Variants in CCDC6 observed in about 807,000 individuals in gnomAD.
CCDC6 encodes the protein coiled-coil domain containing 6.
A neutral mutation model predicts 56.6 loss-of-function variants in CCDC6; 20 were observed. The observed-to-expected ratio is 0.35, with a 90% CI of 0.25 to 0.51. The LOEUF (loss-of-function observed/expected upper bound fraction) is 0.51, where lower values mean the gene tolerates loss of function less well. CCDC6 is among the 20% of genes least tolerant of loss of function. The probability of loss-of-function intolerance (pLI) is 0.95; values close to 1 mark genes in which losing one functional copy is unlikely to be tolerated. For missense variants in CCDC6, 367 were observed against 601.1 expected (o/e 0.61, Z 4.07); for synonymous variants, 241 against 234.4 (o/e 1.03, Z -0.26).
intron 4 of CCDC6, 86 bp downstream of exon 4, chr10:59,814,566 C>G: frequency 1.3e-6 from 1 of 796,198 alleles, no homozygotes; most frequent in Non-Finnish European, 2.2e-6. Context: ...TTAAGGTGTC[C>G]TACTGCTATT....
intron 3 of CCDC6, among the ~76,000 whole-genome samples, chr10:59,822,900 A>G (rs1420593536): frequency 1.5e-5 from 1 of 65,100 alleles, no homozygotes; most frequent in Admixed American, 1.3e-4. Context: ...CTATGCTTAT[A>G]AAAAAAAAAC....
intron 2 of CCDC6, among the ~76,000 whole-genome samples, chr10:59,848,074 A>G (rs2071008552): frequency 6.6e-6 from 1 of 152,044 alleles, no homozygotes; most frequent in South Asian, 2.1e-4. Flanking sequence ...AGCCAGTGTG[A>G]GTGAGTGTGC....
chr10:59,887,470 C>G (rs2071390755), intron 1 of CCDC6, among the ~76,000 whole-genome samples: 1 of 140,022 alleles, frequency 7.1e-6, no homozygotes, highest in Non-Finnish European at 1.5e-5. Context: ...AATGGCTTAC[C>G]ATGCAACTGT....
intron 4 of CCDC6, among the ~76,000 whole-genome samples, chr10:59,814,381 G>A (rs182985868): frequency 9.2e-5 from 14 of 152,264 alleles, no homozygotes; most frequent in Admixed American, 9.2e-4. Context: ...CTTTAAAGGT[G>A]AACAATAGCA....
At chr10:59,853,915 G>A (rs112670899) in intron 1 of CCDC6, among the ~76,000 whole-genome samples, 13 of 152,104 alleles carry the variant, frequency 8.5e-5, no homozygotes, top group East Asian at 1.9e-4. Context: ...CTGTCTAAAC[G>A]GAAAAGCCTA....
chr10:59,820,749 A>G (rs926176480), intron 3 of CCDC6, among the ~76,000 whole-genome samples: 4 of 149,658 alleles, frequency 2.7e-5, no homozygotes, highest in Non-Finnish European at 4.5e-5. Flanking sequence ...CTCTGTCTCA[A>G]AAAAAAAGAA....
chr10:59,903,896 G>A (rs906071204), intron 1 of CCDC6, among the ~76,000 whole-genome samples: 2 of 152,256 alleles, frequency 1.3e-5, no homozygotes, highest in South Asian at 4.1e-4. Context: ...ATACCTGAGA[G>A]GTCAAACGTA....
At chr10:59,798,469 A>G (rs1564736763) in intron 7 of CCDC6, among the ~76,000 whole-genome samples, 3 of 152,182 alleles carry the variant, frequency 2.0e-5, no homozygotes, top group Admixed American at 6.5e-5. Flanking sequence ...TCTATTTGAC[A>G]TATTTCCATT....
At chr10:59,870,924 G>C (rs1357601120) in intron 1 of CCDC6, among the ~76,000 whole-genome samples, 1 of 152,166 alleles carries the variant, frequency 6.6e-6, no homozygotes, top group Non-Finnish European at 1.5e-5. Context: ...AGCTGTATTT[G>C]GGGGTCTCCC....
chr10:59,811,960 G>A (rs1315644561), intron 5 of CCDC6, among the ~76,000 whole-genome samples: 1 of 151,346 alleles, frequency 6.6e-6, no homozygotes, highest in East Asian at 2.0e-4. Context: ...ATGTATAATT[G>A]TGGGAACAGG....
chr10:59,795,179 A>G (rs1267845397), intron 7 of CCDC6, among the ~76,000 whole-genome samples: 1 of 152,178 alleles, frequency 6.6e-6, no homozygotes, highest in Non-Finnish European at 1.5e-5. Flanking sequence ...AAGGCAACCT[A>G]TAGAATGGGA....
At chr10:59,807,581 C>T (rs1351562442) in intron 5 of CCDC6, among the ~76,000 whole-genome samples, 1 of 152,042 alleles carries the variant, frequency 6.6e-6, no homozygotes, top group Non-Finnish European at 1.5e-5. Flanking sequence ...AAAAGTTTAC[C>T]AATTATTTGC....
chr10:59,881,035 A>T (rs1264722769), intron 1 of CCDC6, among the ~76,000 whole-genome samples: 1 of 151,482 alleles, frequency 6.6e-6, no homozygotes, highest in Non-Finnish European at 1.5e-5. Context: ...CACTCCCTTT[A>T]TCTCCTCCTT....
intron 3 of CCDC6, among the ~76,000 whole-genome samples, chr10:59,826,304 A>G (rs929108866): frequency 1.3e-5 from 2 of 152,280 alleles, no homozygotes. Context: ...TCTATATAGT[A>G]CCTGCAAATA....
chr10:59,898,990 T>C (rs908812042), intron 1 of CCDC6, among the ~76,000 whole-genome samples: 1 of 152,226 alleles, frequency 6.6e-6, no homozygotes, highest in East Asian at 1.9e-4. Flanking sequence ...AGAATACTTA[T>C]CCCTAAAGAG....
chr10:59,822,941 C>T (rs920833136), intron 3 of CCDC6, among the ~76,000 whole-genome samples: 2 of 151,856 alleles, frequency 1.3e-5, no homozygotes, highest in Non-Finnish European at 2.9e-5. Context: ...GACAGGACTA[C>T]AGCTGGAGGT....
At chr10:59,809,032 A>G (rs1195858878) in intron 5 of CCDC6, among the ~76,000 whole-genome samples, 4 of 152,228 alleles carry the variant, frequency 2.6e-5, no homozygotes, top group Non-Finnish European at 4.4e-5. Flanking sequence ...GCATGCTGGG[A>G]AAATATTTAC....
At chr10:59,841,271 T>C (rs1421828833) in intron 2 of CCDC6, among the ~76,000 whole-genome samples, 1 of 152,218 alleles carries the variant, frequency 6.6e-6, no homozygotes, top group Non-Finnish European at 1.5e-5. Flanking sequence ...CAAAAATCTA[T>C]TTGGCTAGCT....
chr10:59,872,583 G>A (rs2071238867), intron 1 of CCDC6, among the ~76,000 whole-genome samples: 1 of 152,198 alleles, frequency 6.6e-6, no homozygotes, highest in African/African-American at 2.4e-5. Context: ...GGCTTTGTGA[G>A]TTGGAGGTTA....
Sources: gnomAD v4.1 joint callset for allele counts (sites outside exome capture counted in the v4.1 genomes callset) on GRCh38, gnomAD v4.1.1 for gene constraint, MANE v1.5 for transcripts, NCBI Gene and HGNC (gene_info 2026-07-23, HGNC 2026-07-21) for gene names.